GPHN: variants seen among roughly 807,000 people sequenced by gnomAD.
GPHN encodes the protein gephyrin.
GPHN carries 17 observed loss-of-function variants against 95.5 expected under a neutral mutation model. The ratio of observed to expected loss-of-function variants is 0.18; its 90% CI spans 0.12 to 0.27. The LOEUF (loss-of-function observed/expected upper bound fraction) is 0.27, where lower values mean the gene tolerates loss of function less well. GPHN is among the 10% of genes least tolerant of loss of function. The pLI, the probability that GPHN is intolerant of heterozygous loss-of-function variation, is 1.00. For synonymous variants in GPHN, 320 were observed against 322.5 expected (o/e 0.99, Z 0.08); for missense variants, 660 against 978.1 (o/e 0.67, Z 4.34).
chr14:67,200,314 C>A, the GPHN span: 1 of 662,574 alleles, frequency 1.5e-6, no homozygotes. Context: ...CTTTGGAGCC[C>A]TCTCCCTCAG....
intron 22 of GPHN, 145 bp downstream of exon 22, chr14:67,179,819 A>C (rs999546733): frequency 9.3e-6 from 6 of 642,886 alleles, no homozygotes; most frequent in Non-Finnish European, 1.7e-5. Flanking sequence ...GTTATTCCTA[A>C]ACAGTATAGC....
chr14:67,353,965 G>GA, the GPHN span: 207 of 138,572 alleles, frequency 1.5e-3, no homozygotes, highest in Middle Eastern at 7.9e-3. Context: ...TGTCCCTTTA[G>GA]AAAAAAAAAA....
the GPHN span, among the ~76,000 whole-genome samples, chr14:67,537,921 C>A: frequency 6.6e-6 from 1 of 152,164 alleles, no homozygotes; most frequent in African/African-American, 2.4e-5. Flanking sequence ...AAGCAGGTAT[C>A]AAGACTATGG....
chr14:67,642,205 T>C, the GPHN span: 7 of 1,613,936 alleles, frequency 4.3e-6, no homozygotes, highest in Admixed American at 3.3e-5. Flanking sequence ...TAAAAGACTT[T>C]GGAGATTTGA....
chr14:66,514,509 G>A (rs562699401), intron 1 of GPHN, among the ~76,000 whole-genome samples: 3 of 152,120 alleles, frequency 2.0e-5, no homozygotes, highest in South Asian at 4.1e-4. Context: ...TCTCATGGCA[G>A]TATATGTTTC....
chr14:67,579,259 A>G, the GPHN span: 2 of 1,597,084 alleles, frequency 1.3e-6, no homozygotes, highest in Admixed American at 1.8e-5. Flanking sequence ...AACCCCTTCC[A>G]CCACTCCTTG....
chr14:67,357,671 C>A, the GPHN span, among the ~76,000 whole-genome samples: 1 of 152,168 alleles, frequency 6.6e-6, no homozygotes, highest in Non-Finnish European at 1.5e-5. Flanking sequence ...CAGTAAACCA[C>A]TGATAGTAGG....
At chr14:67,500,445 A>C in the GPHN span, among the ~76,000 whole-genome samples, 4 of 152,264 alleles carry the variant, frequency 2.6e-5, no homozygotes, top group East Asian at 7.8e-4. Context: ...ATTGCACTCC[A>C]ATCAGGGCAA....
At chr14:66,664,744 A>G (rs1207693010) in intron 1 of GPHN, among the ~76,000 whole-genome samples, 1 of 151,756 alleles carries the variant, frequency 6.6e-6, no homozygotes, top group East Asian at 1.9e-4. Flanking sequence ...AGACTCATGA[A>G]GAGAGAATCA....
the GPHN span, among the ~76,000 whole-genome samples, chr14:67,502,456 CTT>C: frequency 3.6e-5 from 5 of 137,636 alleles, no homozygotes; most frequent in Non-Finnish European, 4.6e-5. Context: ...AAGGTGATTT[CTT>C]TTTTTTTTTT....
intron 3 of GPHN, among the ~76,000 whole-genome samples, chr14:66,778,325 A>C (rs2059463162): frequency 6.6e-6 from 1 of 152,116 alleles, no homozygotes; most frequent in South Asian, 2.1e-4. Flanking sequence ...AAATAGTAAC[A>C]GTCTTTTAGT....
At chr14:66,851,058 GACTT>G (rs1293337536) in intron 4 of GPHN, among the ~76,000 whole-genome samples, 3 of 151,764 alleles carry the variant, frequency 2.0e-5, no homozygotes, top group Admixed American at 6.6e-5. Flanking sequence ...CTGCCTGAGG[GACTT>G]ACTTAGTTTT....
chr14:67,724,049 A>C, the GPHN span, among the ~76,000 whole-genome samples: 27 of 152,262 alleles, frequency 1.8e-4, no homozygotes, highest in Admixed American at 1.5e-3. Flanking sequence ...AGTGCTGTTC[A>C]TCAGTTACTC....
chr14:66,857,926 C>T lies in GPHN; in HGVS notation c.295-22013C>T, dbSNP rs112117559. Among the ~76,000 whole-genome samples, 1,519 of 152,274 alleles carry T rather than the reference C, an allele frequency of 1.0e-2. 12 individuals are homozygous for T. The highest frequency in any genetic ancestry group is 0.017 in the Non-Finnish European group (1,181 of 68,012). On this transcript the variant is annotated intron_variant, in intron 4 of 22. Transcript: ENST00000478722. ...GCTGCCCTGTCACAGCAGAAAGCAA[C>T]ACCAGGCTTAACTCAACTGAATACT...
the GPHN span, chr14:67,390,893 T>C: frequency 1.4e-6 from 1 of 714,192 alleles, no homozygotes; most frequent in Non-Finnish European, 2.6e-6. Context: ...AACCTGAGGA[T>C]AGCAATGACA....
the GPHN span, among the ~76,000 whole-genome samples, chr14:67,621,876 C>T: frequency 5.3e-5 from 8 of 151,878 alleles, no homozygotes; most frequent in East Asian, 1.4e-3. Flanking sequence ...GTGGGTGGAT[C>T]ACCTGAGGTC....
intron 2 of GPHN, among the ~76,000 whole-genome samples, chr14:66,740,244 CATT>C (rs1309298283): frequency 6.6e-6 from 1 of 151,962 alleles, no homozygotes; most frequent in Non-Finnish European, 1.5e-5. Context: ...AAAGGAAAAA[CATT>C]ATGTGCAACA....
chr14:66,768,452 A>G (rs756612390), intron 2 of GPHN, among the ~76,000 whole-genome samples: 10 of 152,024 alleles, frequency 6.6e-5, no homozygotes, highest in Non-Finnish European at 1.5e-4. Context: ...GTTTTGGAAC[A>G]CAGAAATGAA....
chr14:66,769,717 T>C (rs1418798640), intron 2 of GPHN, among the ~76,000 whole-genome samples: 3 of 152,208 alleles, frequency 2.0e-5, no homozygotes, highest in Non-Finnish European at 4.4e-5. Flanking sequence ...ATTTTCTTTA[T>C]TCAGTCTACC....
Sources: allele counts gnomAD v4.1 joint callset (sites outside exome capture counted in the v4.1 genomes callset), GRCh38; gene constraint gnomAD v4.1.1; transcripts MANE v1.5; gene names NCBI Gene and HGNC (gene_info 2026-07-23, HGNC 2026-07-21).